Variants in POLD3 observed in about 807,000 individuals in gnomAD.
POLD3 encodes the protein DNA polymerase delta 3, accessory subunit.
A neutral mutation model predicts 58.2 loss-of-function variants in POLD3; 19 were observed. The ratio of observed to expected loss-of-function variants is 0.33; its 90% CI spans 0.23 to 0.48. POLD3 has a LOEUF of 0.48. Ranked by LOEUF, POLD3 falls within the 20% of genes least tolerant of loss-of-function variation. POLD3 has a pLI of 0.99. For missense variants in POLD3, 504 were observed against 545.5 expected, an observed-to-expected ratio of 0.92 and a Z score of 0.76; for synonymous variants, 172 against 193.5, an observed-to-expected ratio of 0.89 and a Z score of 0.92.
At chr11:74,593,743 C>CA (rs897585873) in intron 1 of POLD3, among the ~76,000 whole-genome samples, 1 of 151,428 alleles carries the variant, frequency 6.6e-6, no homozygotes, top group East Asian at 1.9e-4. Context: ...TGGTGGCCCC[C>CA]AAAAAAAACA....
intron 8 of POLD3, among the ~76,000 whole-genome samples, chr11:74,627,453 A>G (rs2032464668): frequency 6.6e-6 from 1 of 152,178 alleles, no homozygotes; most frequent in South Asian, 2.1e-4. Context: ...TAAGCTGTTT[A>G]TTATTGAAGA....
At chr11:74,640,538 G>T in intron 11 of POLD3, 26 bp from the exon 12 acceptor site, 1 of 1,481,866 alleles carries the variant, frequency 6.7e-7, no homozygotes, top group Non-Finnish European at 9.0e-7. Context: ...GCCCACCCAT[G>T]TTCCATTTTT....
chr11:74,637,989 TTC>T (rs1303126981), intron 11 of POLD3, among the ~76,000 whole-genome samples: 1 of 152,136 alleles, frequency 6.6e-6, no homozygotes, highest in African/African-American at 2.4e-5. Context: ...AAGCTCATCT[TTC>T]TCTCTTTGTG....
chr11:74,612,820 G>A, intron 4 of POLD3, 58 bp from the exon 5 acceptor site: 1 of 1,497,708 alleles, frequency 6.7e-7, no homozygotes, highest in Non-Finnish European at 9.1e-7. Flanking sequence ...TCTTGTTAAA[G>A]TCCCCACATG....
intron 4 of POLD3, among the ~76,000 whole-genome samples, chr11:74,652,168 T>C (rs537861108): frequency 6.6e-6 from 1 of 152,340 alleles, no homozygotes; most frequent in South Asian, 2.1e-4. Flanking sequence ...TGCCTTGTAA[T>C]AACAGCTCTC....
intron 5 of POLD3, among the ~76,000 whole-genome samples, chr11:74,614,538 G>A (rs7130839): frequency 0.4 from 61,059 of 151,836 alleles, 13,511 homozygotes; most frequent in African/African-American, 0.59. Context: ...GTGAAACCCC[G>A]TCTCTACTAA....
intron 3 of POLD3, among the ~76,000 whole-genome samples, chr11:74,609,372 A>ATTTTTT (rs869157886): frequency 1.1e-4 from 3 of 27,194 alleles, no homozygotes; most frequent in African/African-American, 3.7e-4. Context: ...ATATATATAT[A>ATTTTTT]TTTTTTTTTT....
chr11:74,638,810 A>C (rs546431580), intron 11 of POLD3: 1 of 405,626 alleles, frequency 2.5e-6, no homozygotes, highest in Non-Finnish European at 5.0e-6. Flanking sequence ...CTGAGAGTGC[A>C]TTCCTAATAA....
chr11:74,637,335 A>G (rs369037045), intron 11 of POLD3, among the ~76,000 whole-genome samples: 1 of 152,018 alleles, frequency 6.6e-6, no homozygotes, highest in Non-Finnish European at 1.5e-5. Context: ...ATTGGGGAGT[A>G]AAATTCTTTA....
At chr11:74,594,584 T>C (rs2031158486) in intron 2 of POLD3, among the ~76,000 whole-genome samples, 1 of 152,268 alleles carries the variant, frequency 6.6e-6, no homozygotes, top group African/African-American at 2.4e-5. Flanking sequence ...GATGCTGTTA[T>C]GAACATTCAT....
At chr11:74,650,084 T>G (rs1206060213) in intron 4 of POLD3, among the ~76,000 whole-genome samples, 3 of 152,194 alleles carry the variant, frequency 2.0e-5, no homozygotes, top group African/African-American at 7.2e-5. Context: ...TTGTGAGGAT[T>G]AGAGATAACA....
chr11:74,592,885 C>T (rs1170091762), intron 1 of POLD3, 167 bp downstream of exon 1: 1 of 1,450,908 alleles, frequency 6.9e-7, no homozygotes, highest in Non-Finnish European at 9.1e-7. Flanking sequence ...CGAGCGAGGA[C>T]TCGTCGGGAA....
At chr11:74,620,404 C>T (rs564468811) in intron 7 of POLD3, among the ~76,000 whole-genome samples, 1 of 152,234 alleles carries the variant, frequency 6.6e-6, no homozygotes, top group Non-Finnish European at 1.5e-5. Context: ...AGGGAGGCTG[C>T]CTGGCTACGC....
downstream of POLD3, among the ~76,000 whole-genome samples, chr11:74,645,965 G>A (rs1352272160): frequency 2.0e-5 from 3 of 150,238 alleles, no homozygotes; most frequent in Non-Finnish European, 4.4e-5. Flanking sequence ...TTAAGACAGA[G>A]TCTCGCTCTG....
rs1565130833 is a variant in POLD3 at position 74,642,634 on chromosome 11, T to C, written c.*1868T>C. The stretch of plus-strand genomic sequence containing the variant: ...CTCAACTCTGAGCTGTCTGCAAGGC[T>C]TAGTAAGTATTGAGTGGTGTTTTTT... On this transcript the variant is annotated 3_prime_UTR_variant, in exon 12 of 12. Coordinates refer to ENST00000263681, the MANE Select transcript of POLD3 (RefSeq NM_006591.3). The C allele has an allele frequency of 3.0e-6, 3 of 983,934 alleles. No individual in the cohort carries two copies. Among genetic ancestry groups the C allele is most frequent in the Non-Finnish European group, 3.6e-6 (3 of 828,856 alleles). The allele number at this position is 983,934 out of a possible 1,614,324, so 61.0% of individuals were successfully genotyped here.
intron 9 of POLD3, 49 bp from the exon 10 acceptor site, chr11:74,634,534 C>A (rs886475009): frequency 1.0e-5 from 10 of 991,530 alleles, no homozygotes; most frequent in Admixed American, 3.4e-5. Context: ...AGGCTTTATA[C>A]CAGATAGTGC....
At position 74,609,232 on chromosome 11, in the gene POLD3, ATATC is replaced by A. The variant is rs1423598264; in HGVS notation, c.220-2264_220-2261del. On this transcript the variant is annotated intron_variant, in intron 3 of 11. Coordinates refer to ENST00000263681, the MANE Select transcript of POLD3 (RefSeq NM_006591.3). ...TCACTGTACTGAAGCCACCAATTCAATATCTAGTTCAATTCAATTTTTTTTTTCC... is the reference window on the plus strand; with the variant it reads ...TCACTGTACTGAAGCCACCAATTCAATAGTTCAATTCAATTTTTTTTTTCC... 6.0e-5 allele frequency among the ~76,000 whole-genome samples: 9 copies of A among 151,174 alleles called. No homozygotes were observed. The East Asian group carries it at 1.5e-3, about 26-fold the overall frequency.
chr11:74,638,937 A>G (rs2032833572), intron 11 of POLD3, among the ~76,000 whole-genome samples: 1 of 152,230 alleles, frequency 6.6e-6, no homozygotes, highest in Non-Finnish European at 1.5e-5. Flanking sequence ...CTAAGTGAAC[A>G]TCAAAGTGAA....
At chr11:74,649,336 C>G (rs1272183395) in intron 4 of POLD3, among the ~76,000 whole-genome samples, 1 of 152,150 alleles carries the variant, frequency 6.6e-6, no homozygotes, top group Non-Finnish European at 1.5e-5. Context: ...TTAGGAAATT[C>G]AATGGTAGAA....
Sources: allele counts gnomAD v4.1 joint callset (sites outside exome capture counted in the v4.1 genomes callset), GRCh38; gene constraint gnomAD v4.1.1; transcripts MANE v1.5; gene names NCBI Gene and HGNC (gene_info 2026-07-23, HGNC 2026-07-21).